PCDHA13: variants seen among roughly 807,000 people sequenced by gnomAD.
The protein encoded by PCDHA13 is protocadherin alpha-13.
PCDHA13 carries 54 observed loss-of-function variants against 64.8 expected under a neutral mutation model. The observed-to-expected ratio is 0.83, with a 90% CI of 0.67 to 1.04. The LOEUF (loss-of-function observed/expected upper bound fraction) is 1.04, where lower values mean the gene tolerates loss of function less well. Among genes scored for constraint, PCDHA13 ranks in the 50% least tolerant of loss-of-function variants. The pLI is 0.00. For synonymous variants in PCDHA13, 587 were observed against 564.4 expected (o/e 1.04, Z -0.57); for missense variants, 1,248 against 1,254.3 (o/e 0.99, Z 0.08).
chr5:140,945,635 T>C (rs1200996842), intron 1 of PCDHA13, among the ~76,000 whole-genome samples: 1 of 152,024 alleles, frequency 6.6e-6, no homozygotes, highest in Admixed American at 6.5e-5. Context: ...ATAAAAGACA[T>C]GTAGACCAAT....
intron 1 of PCDHA13, among the ~76,000 whole-genome samples, chr5:140,899,492 T>A (rs1325439071): frequency 3.9e-5 from 6 of 152,338 alleles, no homozygotes; most frequent in Admixed American, 3.3e-4. Context: ...CTGGATTACA[T>A]TTATTGATTT....
intron 2 of PCDHA13, among the ~76,000 whole-genome samples, chr5:140,981,156 T>C (rs747008016): frequency 2.9e-4 from 44 of 152,360 alleles, no homozygotes; most frequent in Admixed American, 6.5e-4. Context: ...ATTGAACTTA[T>C]ATGTTGCCTT....
At chr5:140,937,836 T>C (rs2091788765) in intron 1 of PCDHA13, among the ~76,000 whole-genome samples, 1 of 150,366 alleles carries the variant, frequency 6.7e-6, no homozygotes, top group Non-Finnish European at 1.5e-5. Flanking sequence ...GGCATGAACC[T>C]GGAAGGCGGA....
chr5:140,927,907 G>T, intron 1 of PCDHA13: 1 of 1,614,156 alleles, frequency 6.2e-7, no homozygotes, highest in Non-Finnish European at 8.5e-7. Context: ...TCATGCCCCC[G>T]AACTGGACTT....
At chr5:140,913,945 A>T (rs2076523304) in intron 1 of PCDHA13, among the ~76,000 whole-genome samples, 1 of 152,086 alleles carries the variant, frequency 6.6e-6, no homozygotes, top group Non-Finnish European at 1.5e-5. Flanking sequence ...AAGAATCTTG[A>T]TATGATATCA....
chr5:140,939,175 C>A (rs2092330886), intron 1 of PCDHA13, among the ~76,000 whole-genome samples: 1 of 152,010 alleles, frequency 6.6e-6, no homozygotes, highest in African/African-American at 2.4e-5. Context: ...TGGTAATGGC[C>A]CACTCCCTGG....
At chr5:140,968,473 G>A in intron 1 of PCDHA13, 1 of 1,614,098 alleles carries the variant, frequency 6.2e-7, no homozygotes. Flanking sequence ...ACGTATATGT[G>A]GTGGACATGA....
chr5:140,888,210 T>G (rs1395913579), intron 1 of PCDHA13, among the ~76,000 whole-genome samples: 1 of 152,080 alleles, frequency 6.6e-6, no homozygotes, highest in East Asian at 1.9e-4. Context: ...ATGCTGGATT[T>G]TGTGTGTGTG....
intron 1 of PCDHA13, chr5:140,927,041 T>G (rs1242687827): frequency 9.9e-6 from 16 of 1,612,338 alleles, no homozygotes; most frequent in Non-Finnish European, 1.0e-5. Context: ...GCGGCCGCTA[T>G]GTCCTCGCGG....
intron 3 of PCDHA13, among the ~76,000 whole-genome samples, chr5:141,000,387 CTCTCTCTCTATA>C (rs1217065500): frequency 3.9e-4 from 26 of 66,870 alleles, no homozygotes; most frequent in African/African-American, 1.1e-3. Context: ...CTCTCTCTCT[CTCTCTCTCTATA>C]TATATATATA....
intron 1 of PCDHA13, among the ~76,000 whole-genome samples, chr5:140,977,672 A>G (rs1404527905): frequency 6.6e-6 from 1 of 152,202 alleles, no homozygotes; most frequent in East Asian, 1.9e-4. Flanking sequence ...TGCATGCCAA[A>G]TATCATGTAG....
chr5:140,989,775 C>G (rs1286076429), intron 3 of PCDHA13, among the ~76,000 whole-genome samples: 1 of 152,178 alleles, frequency 6.6e-6, no homozygotes, highest in Non-Finnish European at 1.5e-5. Flanking sequence ...CAAGCACTGG[C>G]TAGAGACTAG....
chr5:140,994,229 A>G (rs1488908759), intron 3 of PCDHA13, among the ~76,000 whole-genome samples: 3 of 152,188 alleles, frequency 2.0e-5, no homozygotes, highest in African/African-American at 7.2e-5. Flanking sequence ...TGTCTATGTT[A>G]TAATCAATTC....
chr5:140,941,214 C>CTTTCTTTCTTTCTTT (rs1554214039), intron 1 of PCDHA13, among the ~76,000 whole-genome samples: 5,375 of 122,186 alleles, frequency 0.044, 196 homozygotes, highest in South Asian at 0.066. Flanking sequence ...TTTCTTTCTT[C>CTTTCTTTCTTTCTTT]CTTTCTTTCT....
At position 140,924,894 on chromosome 5, in the gene PCDHA13, CA is replaced by C. The variant is rs782133089; in HGVS notation, c.2394+40243del. 4.9e-4 allele frequency among the ~76,000 whole-genome samples: 35 copies of C among 71,496 alleles called. 1 individual carries two copies. Among genetic ancestry groups the C allele is most frequent in the Admixed American group, 2.6e-3 (18 of 6,864 alleles). The allele number at this position is 71,496 out of a possible 152,430, so 46.9% of individuals were successfully genotyped here. On this transcript the variant is annotated intron_variant, in intron 1 of 3. Coordinates refer to ENST00000289272, the MANE Select transcript of PCDHA13 (RefSeq NM_018904.3). Reference sequence around the variant, plus strand: ...TGGGTGACAGAGCAAGAACCTGTCTCAAAAAAAAAAATAAAATAAAATAAAA... The same window carrying C: ...TGGGTGACAGAGCAAGAACCTGTCTCAAAAAAAAAATAAAATAAAATAAAA...
chr5:140,911,509 A>G (rs1378667100), intron 1 of PCDHA13, among the ~76,000 whole-genome samples: 1 of 152,214 alleles, frequency 6.6e-6, no homozygotes, highest in Admixed American at 6.5e-5. Flanking sequence ...GAGGTTCAGT[A>G]TCTGCTTCTG....
At chr5:140,967,291 C>T (rs782682819) in intron 1 of PCDHA13, 11 of 1,612,754 alleles carry the variant, frequency 6.8e-6, no homozygotes, top group South Asian at 1.1e-5. Context: ...CGCAGGACCC[C>T]GACGTGGGCG....
rs184537292 is a variant in PCDHA13, at chr5:140,970,210, C to T, written c.2395-8739C>T. Among the ~76,000 whole-genome samples, 8 of 152,308 alleles carry T rather than the reference C, an allele frequency of 5.3e-5. No homozygotes were observed. The East Asian group carries it at 1.5e-3, about 29-fold the overall frequency. On this transcript the variant is annotated intron_variant, in intron 1 of 3. Transcript: ENST00000289272. Reference sequence around the variant, plus strand: ...TGTAAGAGGATTTCCCTGAATTTAGCTTAAATGCAGCCTGTAATCTTCTGA... The same window carrying T: ...TGTAAGAGGATTTCCCTGAATTTAGTTTAAATGCAGCCTGTAATCTTCTGA...
chr5:140,995,954 A>G (rs2097705768), intron 3 of PCDHA13, among the ~76,000 whole-genome samples: 1 of 152,226 alleles, frequency 6.6e-6, no homozygotes, highest in South Asian at 2.1e-4. Context: ...TGCACGCAAA[A>G]TGCTTAGAAC....
Sources: allele counts gnomAD v4.1 joint callset (sites outside exome capture counted in the v4.1 genomes callset), GRCh38; gene constraint gnomAD v4.1.1; transcripts MANE v1.5; gene names NCBI Gene and HGNC (gene_info 2026-07-23, HGNC 2026-07-21).